The following KLC1 variants were observed in gnomAD, a reference collection of about 807,000 sequenced individuals.
KLC1 encodes kinesin 2 60/70kDa.
A neutral mutation model predicts 84.2 loss-of-function variants in KLC1; 30 were observed. The observed-to-expected ratio is 0.36, with a 90% CI of 0.27 to 0.48. The LOEUF is 0.48. Among genes scored for constraint, KLC1 ranks in the 20% least tolerant of loss-of-function variants. The probability of loss-of-function intolerance (pLI) is 0.99; values close to 1 mark genes in which losing one functional copy is unlikely to be tolerated. For synonymous variants in KLC1, 289 were observed against 293.3 expected, an observed-to-expected ratio of 0.99 and a Z score of 0.15; for missense variants, 499 against 805.4, an observed-to-expected ratio of 0.62 and a Z score of 4.60.
At position 103,701,281 on chromosome 14, in the gene KLC1, A is replaced by C. The variant is rs2083179019; in HGVS notation, c.*82A>C. The C allele has an allele frequency of 6.8e-7, 1 of 1,479,996 alleles. No homozygotes were observed. Among genetic ancestry groups the C allele is most frequent in the Non-Finnish European group, 9.2e-7 (1 of 1,089,342 alleles). 91.7% of individuals were successfully genotyped at this position (1,479,996 alleles called of 1,614,324 possible). A position where few individuals can be genotyped will look rare whatever the true frequency, so the allele number is the denominator to read the frequency against. ...GCCCGGGACAGCCAGGGCGGCAGGGAGGGCCCCTGGCCGGGAGCCGCAGCG... is the reference window on the plus strand; with the variant it reads ...GCCCGGGACAGCCAGGGCGGCAGGGCGGGCCCCTGGCCGGGAGCCGCAGCG... On this transcript the variant is annotated 3_prime_UTR_variant, in exon 17 of 17. Transcript: ENST00000334553.
intron 7 of KLC1, among the ~76,000 whole-genome samples, chr14:103,672,760 A>G (rs1049683980): frequency 6.6e-6 from 1 of 152,214 alleles, no homozygotes; most frequent in Admixed American, 6.5e-5. Flanking sequence ...TATAACTACC[A>G]TGAAGGATTA....
At chr14:103,683,806 G>A (rs760257735) in intron 13 of KLC1, 2 of 152,054 alleles carry the variant, frequency 1.3e-5, no homozygotes, top group African/African-American at 2.4e-5. Context: ...TACACGTTTC[G>A]AAGACACTAA....
At chr14:103,698,654 T>A (rs2082782931) in intron 15 of KLC1, 1 of 745,506 alleles carries the variant, frequency 1.3e-6, no homozygotes, top group Non-Finnish European at 2.3e-6. Flanking sequence ...CATCTTCGGA[T>A]GAGAAAGTGG....
chr14:103,679,186 G>C (rs1442758127), intron 12 of KLC1, 198 bp from the exon 13 acceptor site: 12 of 652,900 alleles, frequency 1.8e-5, no homozygotes, highest in Non-Finnish European at 3.1e-5. Flanking sequence ...CCCCATCACT[G>C]TTCCTCTGAG....
chr14:103,695,365 A>G (rs1162587280), intron 15 of KLC1: 34 of 753,652 alleles, frequency 4.5e-5, no homozygotes, highest in Non-Finnish European at 5.0e-5. Flanking sequence ...ATATATACAT[A>G]CATATATATA....
chr14:103,636,750 GTC>G (rs2077071742), intron 1 of KLC1, among the ~76,000 whole-genome samples: 1 of 151,352 alleles, frequency 6.6e-6, no homozygotes, highest in Non-Finnish European at 1.5e-5. Flanking sequence ...TTGAGATGGA[GTC>G]TCCTCTGTTG....
At chr14:103,698,915 G>A (rs759227523) in intron 15 of KLC1, 74 of 1,600,618 alleles carry the variant, frequency 4.6e-5, no homozygotes, top group Middle Eastern at 3.3e-4. Context: ...CTGGGCAGCC[G>A]AGGGCAGCCT....
intron 5 of KLC1, among the ~76,000 whole-genome samples, chr14:103,668,932 C>T (rs774206769): frequency 1.3e-5 from 2 of 150,800 alleles, no homozygotes; most frequent in Admixed American, 1.3e-4. Flanking sequence ...CGCCTGCTAC[C>T]ACACCCGGCT....
At chr14:103,676,080 G>A in intron 11 of KLC1, among the ~76,000 whole-genome samples, 1 of 152,130 alleles carries the variant, frequency 6.6e-6, no homozygotes, top group Non-Finnish European at 1.5e-5. Flanking sequence ...ACACAGCGCT[G>A]GAGACACAGA....
intron 1 of KLC1, among the ~76,000 whole-genome samples, chr14:103,650,944 T>C (rs1050747787): frequency 6.6e-6 from 1 of 152,116 alleles, no homozygotes; most frequent in Non-Finnish European, 1.5e-5. Flanking sequence ...GAAACGCATT[T>C]TGTTTCTGCA....
chr14:103,634,565 G>A (rs2076916298), intron 1 of KLC1, among the ~76,000 whole-genome samples: 1 of 152,122 alleles, frequency 6.6e-6, no homozygotes, highest in South Asian at 2.1e-4. Context: ...CCAGTCGGGT[G>A]TGATGTCCAT....
intron 14 of KLC1, among the ~76,000 whole-genome samples, chr14:103,691,845 C>G (rs533432078): frequency 6.6e-6 from 1 of 152,126 alleles, no homozygotes; most frequent in African/African-American, 2.4e-5. Flanking sequence ...AGTCATGGCT[C>G]ACTGCAGCCT....
chr14:103,638,745 G>A (rs1183712461), intron 1 of KLC1, among the ~76,000 whole-genome samples: 1 of 150,086 alleles, frequency 6.7e-6, no homozygotes, highest in Admixed American at 6.7e-5. Context: ...ACAGTGGGGT[G>A]TGTGGGTGTG....
At chr14:103,630,480 C>T (rs1171476612) in intron 1 of KLC1, among the ~76,000 whole-genome samples, 3 of 152,020 alleles carry the variant, frequency 2.0e-5, no homozygotes, top group Non-Finnish European at 4.4e-5. Flanking sequence ...TTCAGGTGTT[C>T]TGTAAAAGGG....
At chr14:103,666,336 T>G (rs2079818830) in intron 5 of KLC1, among the ~76,000 whole-genome samples, 1 of 152,180 alleles carries the variant, frequency 6.6e-6, no homozygotes, top group East Asian at 1.9e-4. Flanking sequence ...GTGCTGGGAT[T>G]ACAGGCATGA....
intron 5 of KLC1, among the ~76,000 whole-genome samples, chr14:103,668,635 G>A (rs1214946697): frequency 1.3e-4 from 19 of 149,604 alleles, no homozygotes; most frequent in African/African-American, 4.4e-4. Context: ...ATGCTGCCAT[G>A]CCCGGCTATT....
intron 13 of KLC1, among the ~76,000 whole-genome samples, chr14:103,680,353 G>C (rs535114126): frequency 3.3e-5 from 5 of 150,720 alleles, no homozygotes; most frequent in Non-Finnish European, 5.9e-5. Flanking sequence ...GGCGGCATTT[G>C]ACTCATCTAG....
intron 15 of KLC1, chr14:103,695,366 CATATATATACATAT>C (rs1391880720): frequency 1.6e-6 from 1 of 643,888 alleles, no homozygotes; most frequent in Admixed American, 6.6e-5. Context: ...TATATACATA[CATATATATACATAT>C]ATAATTTGAT....
intron 13 of KLC1, among the ~76,000 whole-genome samples, chr14:103,684,566 G>C (rs1459821081): frequency 6.6e-6 from 1 of 152,212 alleles, no homozygotes; most frequent in Non-Finnish European, 1.5e-5. Flanking sequence ...CCAACCCCAG[G>C]TGCTGGTCTG....
Sources: gnomAD v4.1 joint callset for allele counts (sites outside exome capture counted in the v4.1 genomes callset) on GRCh38, gnomAD v4.1.1 for gene constraint, MANE v1.5 for transcripts, NCBI Gene and HGNC (gene_info 2026-07-23, HGNC 2026-07-21) for gene names.